The following TTC28 variants were observed in gnomAD, a reference collection of about 807,000 sequenced individuals.
TTC28 encodes tetratricopeptide repeat protein 28.
A neutral mutation model predicts 198.0 loss-of-function variants in TTC28; 61 were observed. That is an observed-to-expected ratio of 0.31 (90% confidence interval 0.25 to 0.38). The LOEUF is 0.38. Among genes scored for constraint, TTC28 ranks in the 10% least tolerant of loss-of-function variants. TTC28 has a pLI of 1.00. For missense variants in TTC28, 2,678 were observed against 3,164.0 expected (o/e 0.85, Z 3.69); for synonymous variants, 1,171 against 1,297.8 (o/e 0.90, Z 2.10).
chr22:28,578,956 G>C (rs945543683), intron 2 of TTC28, among the ~76,000 whole-genome samples: 1 of 152,016 alleles, frequency 6.6e-6, no homozygotes, highest in Non-Finnish European at 1.5e-5. Flanking sequence ...TCCTAAACTT[G>C]AAAGGCAGTA....
intron 5 of TTC28, among the ~76,000 whole-genome samples, chr22:28,294,430 G>C (rs1315056530): frequency 6.6e-6 from 1 of 152,104 alleles, no homozygotes; most frequent in Non-Finnish European, 1.5e-5. Flanking sequence ...TGATATCATA[G>C]AGAATGTCCT....
Position 28,670,704 on chromosome 22 carries a change from C to CATATATATAT in TTC28, c.102+8908_102+8917dup, listed in dbSNP as rs146059811. 7.8e-5 allele frequency among the ~76,000 whole-genome samples: 10 copies of CATATATATAT among 128,594 alleles called. 1 individual carries two copies. The highest frequency in any genetic ancestry group is 7.4e-4 in the South Asian group (3 of 4,040). 84.4% of individuals were successfully genotyped at this position (128,594 alleles called of 152,430 possible). A position where few individuals can be genotyped will look rare whatever the true frequency, so the allele number is the denominator to read the frequency against. ...AACAATTGTTTTGATGTCTTTAGGG[C>CATATATATAT]ATATATATATATATATATATGAGTG... On this transcript the variant is annotated intron_variant, in intron 1 of 22. Transcript: ENST00000397906.
chr22:28,528,013 C>T (rs2049043071), intron 2 of TTC28, among the ~76,000 whole-genome samples: 1 of 152,162 alleles, frequency 6.6e-6, no homozygotes, highest in South Asian at 2.1e-4. Flanking sequence ...CAAACAGCCC[C>T]ATCATGGGAG....
intron 12 of TTC28, among the ~76,000 whole-genome samples, chr22:28,072,504 T>C (rs1169414688): frequency 1.3e-5 from 2 of 152,194 alleles, no homozygotes; most frequent in Non-Finnish European, 2.9e-5. Flanking sequence ...GTGCTATGTA[T>C]TGTGTACCCA....
chr22:28,078,970 G>C (rs1323919766), intron 12 of TTC28, among the ~76,000 whole-genome samples: 2 of 152,170 alleles, frequency 1.3e-5, no homozygotes, highest in African/African-American at 4.8e-5. Context: ...GGTGAAAGGA[G>C]GCCAGGGGGC....
chr22:28,613,493 C>T (rs1177484722), intron 2 of TTC28, among the ~76,000 whole-genome samples: 1 of 151,954 alleles, frequency 6.6e-6, no homozygotes, highest in Non-Finnish European at 1.5e-5. Flanking sequence ...AGAGACACAA[C>T]AAAAAAAGAG....
At chr22:28,054,566 G>A (rs773132249) in intron 12 of TTC28, among the ~76,000 whole-genome samples, 2 of 152,046 alleles carry the variant, frequency 1.3e-5, no homozygotes, top group Non-Finnish European at 2.9e-5. Context: ...GAGTGGTGAT[G>A]GCTTCCAACT....
At chr22:28,482,219 T>C (rs972191537) in intron 2 of TTC28, among the ~76,000 whole-genome samples, 4 of 137,472 alleles carry the variant, frequency 2.9e-5, no homozygotes, top group African/African-American at 8.2e-5. Context: ...TTTTTTTTTT[T>C]TTTTTTTTTT....
intron 2 of TTC28, among the ~76,000 whole-genome samples, chr22:28,376,853 C>G (rs2146010207): frequency 6.6e-6 from 1 of 152,216 alleles, no homozygotes; most frequent in Non-Finnish European, 1.5e-5. Flanking sequence ...AACCAATCAG[C>G]ACATCCAGGT....
At chr22:28,124,611 A>G (rs150321034) in intron 6 of TTC28, among the ~76,000 whole-genome samples, 14 of 152,342 alleles carry the variant, frequency 9.2e-5, no homozygotes, top group African/African-American at 2.9e-4. Context: ...GTCTGATTCT[A>G]TAGTTCAAGC....
At chr22:28,340,078 C>A (rs1021669416) in intron 2 of TTC28, among the ~76,000 whole-genome samples, 15 of 152,160 alleles carry the variant, frequency 9.9e-5, no homozygotes, top group Non-Finnish European at 2.2e-4. Context: ...CATAATCACA[C>A]TTCCTGCAAA....
At chr22:28,298,095 T>C (rs183312716) in intron 3 of TTC28, among the ~76,000 whole-genome samples, 2 of 152,102 alleles carry the variant, frequency 1.3e-5, no homozygotes, top group East Asian at 1.9e-4. Flanking sequence ...CTTTTGGCCA[T>C]TGTGATCATC....
At position 28,416,648 on chromosome 22, in the gene TTC28, T is replaced by C. The variant is rs183780711; in HGVS notation, c.382-110005A>G. Among the ~76,000 whole-genome samples, 4 of 138,362 alleles carry C rather than the reference T, an allele frequency of 2.9e-5. No homozygotes were observed. In the East Asian group the frequency reaches 8.4e-4, roughly 29 times the overall value. 90.8% of individuals were successfully genotyped at this position (138,362 alleles called of 152,430 possible). A position where few individuals can be genotyped will look rare whatever the true frequency, so the allele number is the denominator to read the frequency against. On this transcript the variant is annotated intron_variant, in intron 2 of 22. Coordinates refer to ENST00000397906, the MANE Select transcript of TTC28 (RefSeq NM_001145418.2). ...CCCATTAGGGTGAGCTCCACCAACA[T>C]GACTTGGCTCAGTTTCGTCACTCCA...
At chr22:28,085,537 G>A (rs1941553409) in intron 12 of TTC28, among the ~76,000 whole-genome samples, 1 of 152,194 alleles carries the variant, frequency 6.6e-6, no homozygotes, top group Non-Finnish European at 1.5e-5. Context: ...GGAACAACCG[G>A]TAGCAGCCAC....
At chr22:28,119,120 G>C (rs926908606) in intron 6 of TTC28, among the ~76,000 whole-genome samples, 1 of 152,150 alleles carries the variant, frequency 6.6e-6, no homozygotes, top group Non-Finnish European at 1.5e-5. Flanking sequence ...CTTTATGGTT[G>C]AAAGGCACTG....
In TTC28 at chr22:27,983,474, C is replaced by T. The variant is rs774572814; in HGVS notation, c.6193G>A (p.Glu2065Lys). Reference protein sequence around the residue: ...EYEGFSIISNEPLATYQENRN... With the variant: ...EYEGFSIISNKPLATYQENRN... ...TTTTCTTGGTAGGTCGCCAAGGGCT[C>T]GTTACTGATGATAGAAAACCCTTCA... The change falls in exon 23 of 23, where the codon GAG becomes AAG. Residue 2065 changes from glutamate to lysine, a missense_variant. Around this residue, in one of 8 missense-constraint regions of TTC28, gnomAD observed 622 missense variants for 656.0 expected, o/e 0.95. Transcript: ENST00000397906. 5 of 1,545,984 alleles carry T rather than the reference C, an allele frequency of 3.2e-6. No homozygotes were observed. Among genetic ancestry groups the T allele is most frequent in the East Asian group, 2.4e-5 (1 of 40,866 alleles).
At chr22:28,505,031 C>A (rs947405814) in intron 2 of TTC28, among the ~76,000 whole-genome samples, 3 of 151,848 alleles carry the variant, frequency 2.0e-5, no homozygotes, top group African/African-American at 4.8e-5. Context: ...CCGAGGTGGG[C>A]GGATCACAAG....
intron 5 of TTC28, among the ~76,000 whole-genome samples, chr22:28,194,038 T>C (rs1859170875): frequency 6.6e-6 from 1 of 152,144 alleles, no homozygotes; most frequent in East Asian, 1.9e-4. Context: ...TAGTTGGAAA[T>C]AAAGCACTCC....
chr22:28,132,596 C>T (rs1030382779), intron 6 of TTC28, among the ~76,000 whole-genome samples: 3 of 152,170 alleles, frequency 2.0e-5, no homozygotes, highest in African/African-American at 4.8e-5. Flanking sequence ...ATTCCTTTAA[C>T]TCTAGCTTAT....
Sources: allele counts gnomAD v4.1 joint callset (sites outside exome capture counted in the v4.1 genomes callset), GRCh38; gene constraint gnomAD v4.1.1; regional missense constraint gnomAD v4.1.1; transcripts MANE v1.5; gene names NCBI Gene and HGNC (gene_info 2026-07-23, HGNC 2026-07-21).